Variants in DPYD observed in about 807,000 individuals in gnomAD.
DPYD encodes the protein dihydropyrimidine dehydrogenase [NADP(+)].
Under a neutral mutation model 116.2 loss-of-function variants are expected in DPYD, and 109 were observed. The ratio of observed to expected loss-of-function variants is 0.94; its 90% CI spans 0.80 to 1.10. DPYD has a LOEUF of 1.10. Ranked by LOEUF, DPYD falls within the 50% of genes least tolerant of loss-of-function variation. The pLI is 0.00. For synonymous variants in DPYD, 440 were observed against 432.0 expected, an observed-to-expected ratio of 1.02 and a Z score of -0.23; for missense variants, 1,302 against 1,254.5, an observed-to-expected ratio of 1.04 and a Z score of -0.57.
At chr1:97,583,709 T>C (rs1653869480) in intron 10 of DPYD, among the ~76,000 whole-genome samples, 1 of 151,702 alleles carries the variant, frequency 6.6e-6, no homozygotes, top group South Asian at 2.1e-4. Context: ...CTAGGGATAA[T>C]TTACTTTTTT....
chr1:97,903,468 T>C (rs1673461421), intron 1 of DPYD, among the ~76,000 whole-genome samples: 1 of 151,882 alleles, frequency 6.6e-6, no homozygotes, highest in Non-Finnish European at 1.5e-5. Context: ...ATTTGAGTTT[T>C]TGTCATAACC....
intron 1 of DPYD, among the ~76,000 whole-genome samples, chr1:97,910,377 A>G (rs1057142147): frequency 2.0e-5 from 3 of 152,062 alleles, no homozygotes; most frequent in African/African-American, 7.2e-5. Context: ...ACATATTGTC[A>G]AAGAGATAAA....
chr1:97,130,093 G>A (rs1294094895), intron 20 of DPYD, among the ~76,000 whole-genome samples: 1 of 152,016 alleles, frequency 6.6e-6, no homozygotes, highest in Non-Finnish European at 1.5e-5. Flanking sequence ...CGAGTCTTGA[G>A]CAAACATAGA....
chr1:97,460,390 T>C lies in DPYD; in HGVS notation c.1741-10167A>G, dbSNP rs138863979. 1.9e-3 allele frequency among the ~76,000 whole-genome samples: 294 copies of C among 152,318 alleles called. 3 individuals are homozygous for C. The highest frequency in any genetic ancestry group is 6.1e-3 in the African/African-American group (252 of 41,576). ...CACTGATGAGGATTTCAGTCATTTATCTATACAACTACAAAACATACAACA... is the reference window on the plus strand; with the variant it reads ...CACTGATGAGGATTTCAGTCATTTACCTATACAACTACAAAACATACAACA... On this transcript the variant is annotated intron_variant, in intron 13 of 22. Coordinates refer to ENST00000370192, the MANE Select transcript of DPYD (RefSeq NM_000110.4).
chr1:97,802,191 T>C (rs1056415656), intron 3 of DPYD, among the ~76,000 whole-genome samples: 2 of 151,842 alleles, frequency 1.3e-5, no homozygotes, highest in African/African-American at 4.8e-5. Context: ...GATAAATTTG[T>C]AGTTGGATAC....
intron 13 of DPYD, among the ~76,000 whole-genome samples, chr1:97,467,665 G>C (rs1006825573): frequency 1.3e-5 from 2 of 152,104 alleles, no homozygotes; most frequent in Non-Finnish European, 2.9e-5. Flanking sequence ...AGGTGAGCAG[G>C]CTTCTGATGT....
chr1:97,305,088 G>C (rs1381007652), intron 18 of DPYD, among the ~76,000 whole-genome samples, 171 bp downstream of exon 18: 1 of 151,858 alleles, frequency 6.6e-6, no homozygotes, highest in East Asian at 1.9e-4. Context: ...ATCCTGTGCT[G>C]TCACTTGAGC....
At chr1:97,358,616 G>C (rs1670545216) in intron 16 of DPYD, among the ~76,000 whole-genome samples, 1 of 152,016 alleles carries the variant, frequency 6.6e-6, no homozygotes, top group South Asian at 2.1e-4. Context: ...GGAAGGATCA[G>C]GTCGCAATAT....
chr1:97,588,989 C>A (rs1654330393), intron 10 of DPYD, among the ~76,000 whole-genome samples: 1 of 152,168 alleles, frequency 6.6e-6, no homozygotes, highest in African/African-American at 2.4e-5. Context: ...CTCAGCATCA[C>A]AAGGAAACTT....
chr1:97,721,202 T>A (rs375239866), intron 5 of DPYD, among the ~76,000 whole-genome samples: 3 of 151,874 alleles, frequency 2.0e-5, no homozygotes, highest in East Asian at 3.9e-4. Flanking sequence ...TAAGAGGGTC[T>A]CCTTGCCATA....
chr1:97,515,725 C>T lies in DPYD; in HGVS notation c.1740+1G>A. The T allele has an allele frequency of 6.2e-7, 1 of 1,611,782 alleles. No homozygotes were observed. Among genetic ancestry groups the T allele is most frequent in the Non-Finnish European group, 8.5e-7 (1 of 1,178,494 alleles). ...ATATGACTTCAATAATATTTTCTTA[C>T]CTTATCAAGAGAGAAAGTTTTGGTG... On this transcript the variant is annotated splice_donor_variant, in intron 13 of 22. Coordinates refer to ENST00000370192, the MANE Select transcript of DPYD (RefSeq NM_000110.4). LOFTEE classifies it high-confidence loss of function.
At chr1:97,641,797 A>T (rs528040321) in intron 8 of DPYD, among the ~76,000 whole-genome samples, 107 of 152,324 alleles carry the variant, frequency 7.0e-4, no homozygotes, top group Non-Finnish European at 1.4e-3. Flanking sequence ...TTAGGAAAAG[A>T]GGAAGTCAAA....
At chr1:97,799,834 T>C (rs1401618308) in intron 3 of DPYD, among the ~76,000 whole-genome samples, 8 of 152,026 alleles carry the variant, frequency 5.3e-5, no homozygotes, top group Middle Eastern at 6.8e-3. Context: ...GGAAAGAAAG[T>C]TCACGTTGCC....
intron 18 of DPYD, among the ~76,000 whole-genome samples, chr1:97,270,481 A>G (rs1049747533): frequency 4.6e-5 from 7 of 152,254 alleles, no homozygotes; most frequent in African/African-American, 1.4e-4. Flanking sequence ...CAACATTTAC[A>G]CCATTCCCCA....
intron 3 of DPYD, among the ~76,000 whole-genome samples, chr1:97,792,216 A>T (rs1188896039): frequency 6.6e-6 from 1 of 152,150 alleles, no homozygotes; most frequent in African/African-American, 2.4e-5. Context: ...CAAACTAGTC[A>T]TATGGCCTTG....
intron 15 of DPYD, among the ~76,000 whole-genome samples, chr1:97,381,259 T>C (rs1411600263): frequency 6.6e-6 from 1 of 152,178 alleles, no homozygotes; most frequent in Non-Finnish European, 1.5e-5. Context: ...GGTTAGCTAG[T>C]TTGCTTATAA....
intron 3 of DPYD, among the ~76,000 whole-genome samples, chr1:97,784,860 C>A (rs1236229736): frequency 6.6e-6 from 1 of 152,110 alleles, no homozygotes; most frequent in East Asian, 1.9e-4. Context: ...CAAAGGTAGC[C>A]AATACATAAA....
chr1:97,670,266 A>C (rs1217038854), intron 8 of DPYD, among the ~76,000 whole-genome samples: 1 of 152,158 alleles, frequency 6.6e-6, no homozygotes, highest in Non-Finnish European at 1.5e-5. Flanking sequence ...ACGTAAAACA[A>C]AACAAAACAT....
At chr1:97,460,689 G>A (rs529334604) in intron 13 of DPYD, among the ~76,000 whole-genome samples, 2 of 152,056 alleles carry the variant, frequency 1.3e-5, no homozygotes, top group Non-Finnish European at 2.9e-5. Flanking sequence ...AAATGTCATT[G>A]TCCTGAACTC....
Sources: gnomAD v4.1 joint callset for allele counts (sites outside exome capture counted in the v4.1 genomes callset) on GRCh38, gnomAD v4.1.1 for gene constraint, MANE v1.5 for transcripts, NCBI Gene and HGNC (gene_info 2026-07-23, HGNC 2026-07-21) for gene names.